Variants in KLF12 observed in about 807,000 individuals in gnomAD.
KLF12 encodes the protein KLF transcription factor 12.
Under a neutral mutation model 37.8 loss-of-function variants are expected in KLF12, and 9 were observed. That is an observed-to-expected ratio of 0.24 (90% CI 0.14 to 0.42). The LOEUF is 0.42. KLF12 is among the 10% of genes least tolerant of loss of function. The pLI is 1.00. For missense variants in KLF12, 411 were observed against 516.0 expected (o/e 0.80, Z 1.97); for synonymous variants, 208 against 202.1 (o/e 1.03, Z -0.25).
At chr13:73,819,039 T>A (rs1320965607) in intron 4 of KLF12, among the ~76,000 whole-genome samples, 1 of 152,206 alleles carries the variant, frequency 6.6e-6, no homozygotes, top group African/African-American at 2.4e-5. Context: ...GGAAAATTCA[T>A]AGTATCAGTA....
chr13:74,025,325 A>G (rs551002780), intron 1 of KLF12, among the ~76,000 whole-genome samples: 54 of 152,282 alleles, frequency 3.5e-4, no homozygotes, highest in African/African-American at 1.3e-3. Flanking sequence ...ACAAAAAAAA[A>G]AAAAATCCAA....
rs151123431 is a variant in KLF12 at position 73,730,173 on chromosome 13, G to A, written c.870-14648C>T. 1.5e-3 allele frequency among the ~76,000 whole-genome samples: 233 copies of A among 152,218 alleles called. 2 individuals are homozygous for A. Among genetic ancestry groups the A allele is most frequent in the African/African-American group, 5.2e-3 (214 of 41,524 alleles). The stretch of plus-strand genomic sequence containing the variant: ...ACTATCTTTGCCCGGTGCTCCTTCT[G>A]TCTGTAAAATGCTCTTGACTGCCTC... On this transcript the variant is annotated intron_variant, in intron 6 of 7. Coordinates refer to ENST00000377669, the MANE Select transcript of KLF12 (RefSeq NM_007249.5).
intron 7 of KLF12, among the ~76,000 whole-genome samples, 158 bp downstream of exon 7, chr13:73,715,210 C>G (rs148162039): frequency 6.6e-6 from 1 of 152,238 alleles, no homozygotes; most frequent in East Asian, 1.9e-4. Flanking sequence ...TCAAGTTTCT[C>G]TCTTTCTCAA....
chr13:74,172,523 C>T, the KLF12 span, among the ~76,000 whole-genome samples: 4 of 152,186 alleles, frequency 2.6e-5, no homozygotes, highest in Non-Finnish European at 5.9e-5. Context: ...GTAGACTTCA[C>T]CACAGTCCAT....
chr13:73,908,416 AAC>A (rs1888412271), intron 3 of KLF12, among the ~76,000 whole-genome samples: 1 of 150,894 alleles, frequency 6.6e-6, no homozygotes, highest in African/African-American at 2.4e-5. Context: ...AAAAAAAACA[AAC>A]AAACAAAAAA....
chr13:74,087,518 A>G (rs1007254256), intron 1 of KLF12, among the ~76,000 whole-genome samples: 2 of 152,008 alleles, frequency 1.3e-5, no homozygotes, highest in African/African-American at 4.8e-5. Context: ...TCTGCTGAAT[A>G]CCTCTCTGGG....
intron 1 of KLF12, among the ~76,000 whole-genome samples, chr13:74,005,520 C>T (rs1892388645): frequency 6.6e-6 from 1 of 152,130 alleles, no homozygotes; most frequent in Non-Finnish European, 1.5e-5. Context: ...CAGTAGGCAC[C>T]AGGTGTGTGG....
chr13:74,253,369 CTGCA>C, the KLF12 span, among the ~76,000 whole-genome samples: 1 of 152,116 alleles, frequency 6.6e-6, no homozygotes, highest in Admixed American at 6.5e-5. Flanking sequence ...TCTGAGAAAC[CTGCA>C]TGTGAAGACT....
chr13:74,128,742 TTTTTC>T (rs1251172959), intron 1 of KLF12, among the ~76,000 whole-genome samples: 2 of 152,230 alleles, frequency 1.3e-5, no homozygotes, highest in East Asian at 3.8e-4. Context: ...GGCAGGGTTG[TTTTTC>T]TTTTGTTACA....
At position 73,765,019 on chromosome 13, in the gene KLF12, A is replaced by C. The variant is rs200923360; in HGVS notation, c.807-19T>G. 420 of 1,445,884 alleles carry C rather than the reference A, an allele frequency of 2.9e-4. No individual in the cohort carries two copies. In the African/African-American group the frequency reaches 3.6e-3, roughly 13 times the overall value. The allele number at this position is 1,445,884 out of a possible 1,614,324, so 89.6% of individuals were successfully genotyped here. On this transcript the variant is annotated intron_variant, in intron 5 of 7. Transcript: ENST00000377669. Reference sequence around the variant, plus strand: ...ATGTACCCTGTAGACAGAGAAGAATAATCCAGTCATTGAAAAAGCATATTC... The same window carrying C: ...ATGTACCCTGTAGACAGAGAAGAATCATCCAGTCATTGAAAAAGCATATTC...
chr13:73,869,317 A>C (rs1420762689), intron 3 of KLF12, among the ~76,000 whole-genome samples: 1 of 152,152 alleles, frequency 6.6e-6, no homozygotes, highest in Non-Finnish European at 1.5e-5. Context: ...ATCTTGCTAA[A>C]ATCATGCCAA....
intron 3 of KLF12, among the ~76,000 whole-genome samples, chr13:73,942,489 C>A (rs1302271276): frequency 6.6e-6 from 1 of 151,946 alleles, no homozygotes; most frequent in Non-Finnish European, 1.5e-5. Flanking sequence ...AGAACTAAGA[C>A]AAATCCTCCC....
the KLF12 span, among the ~76,000 whole-genome samples, chr13:74,271,942 A>G: frequency 6.6e-6 from 1 of 152,192 alleles, no homozygotes; most frequent in Non-Finnish European, 1.5e-5. Context: ...AGCTTTTTAT[A>G]AAAAACTTTC....
intron 1 of KLF12, among the ~76,000 whole-genome samples, chr13:74,004,439 C>A (rs1892359792): frequency 6.6e-6 from 1 of 152,150 alleles, no homozygotes; most frequent in South Asian, 2.1e-4. Context: ...GCCTAACAAG[C>A]GGCAAAGGCA....
At chr13:74,118,233 G>T (rs1038109157) in intron 1 of KLF12, among the ~76,000 whole-genome samples, 1 of 152,164 alleles carries the variant, frequency 6.6e-6, no homozygotes, top group African/African-American at 2.4e-5. Context: ...AATTGTTAAG[G>T]TTAAGTCTGG....
At chr13:73,752,867 C>A (rs1046956737) in intron 6 of KLF12, among the ~76,000 whole-genome samples, 10 of 151,632 alleles carry the variant, frequency 6.6e-5, no homozygotes, top group Non-Finnish European at 1.3e-4. Flanking sequence ...CAGGTGCCCG[C>A]CACCATCATT....
chr13:73,758,746 T>A (rs1361390308), intron 6 of KLF12, among the ~76,000 whole-genome samples: 1 of 152,208 alleles, frequency 6.6e-6, no homozygotes, highest in Non-Finnish European at 1.5e-5. Flanking sequence ...GAAAATTATC[T>A]ACTTTAATTT....
chr13:73,804,513 C>T (rs1882457904), intron 5 of KLF12, among the ~76,000 whole-genome samples: 1 of 152,118 alleles, frequency 6.6e-6, no homozygotes, highest in African/African-American at 2.4e-5. Flanking sequence ...TGGTCTCCAT[C>T]TGGCTCCTAA....
chr13:74,008,780 G>A (rs1892477778), intron 1 of KLF12, among the ~76,000 whole-genome samples: 2 of 152,212 alleles, frequency 1.3e-5, no homozygotes, highest in Admixed American at 1.3e-4. Context: ...AGCTGGAATA[G>A]ATTAATATTG....
Sources: allele counts gnomAD v4.1 joint callset (sites outside exome capture counted in the v4.1 genomes callset), GRCh38; gene constraint gnomAD v4.1.1; transcripts MANE v1.5; gene names NCBI Gene and HGNC (gene_info 2026-07-23, HGNC 2026-07-21).